Variants in EIF2B3 observed in about 807,000 individuals in gnomAD.
The protein encoded by EIF2B3 is eukaryotic translation initiation factor 2B subunit gamma, also known as translation initiation factor eIF2B subunit gamma.
EIF2B3 carries 20 observed loss-of-function variants against 54.1 expected under a neutral mutation model. The ratio of observed to expected loss-of-function variants is 0.37; its 90% CI spans 0.26 to 0.54. EIF2B3 has a LOEUF of 0.54. EIF2B3 is among the 20% of genes least tolerant of loss of function. EIF2B3 has a pLI of 0.86. For missense variants in EIF2B3, 448 were observed against 547.8 expected (o/e 0.82, Z 1.82); for synonymous variants, 153 against 188.1 (o/e 0.81, Z 1.52).
chr1:44,942,467 A>T, intron 3 of EIF2B3, among the ~76,000 whole-genome samples: 1 of 111,554 alleles, frequency 9.0e-6, no homozygotes, highest in Non-Finnish European at 1.7e-5. Context: ...TTACTCTGTC[A>T]CCTAGACTGG....
chr1:44,896,373 T>TG (rs142032167), intron 6 of EIF2B3, among the ~76,000 whole-genome samples: 62 of 152,074 alleles, frequency 4.1e-4, no homozygotes, highest in African/African-American at 1.1e-3. Flanking sequence ...GCAAGTGTTG[T>TG]GGGGGGGTGA....
At chr1:44,889,278 G>A (rs1655716488) in intron 6 of EIF2B3, among the ~76,000 whole-genome samples, 1 of 152,224 alleles carries the variant, frequency 6.6e-6, no homozygotes, top group South Asian at 2.1e-4. Flanking sequence ...GCTCACGCCT[G>A]TAATCCCAGC....
intron 8 of EIF2B3, among the ~76,000 whole-genome samples, chr1:44,877,092 A>T (rs1290198559): frequency 6.7e-6 from 1 of 149,008 alleles, no homozygotes; most frequent in Non-Finnish European, 1.5e-5. Flanking sequence ...TAGGAAAACC[A>T]GAGACCTTTG....
At chr1:44,933,662 GA>G (rs1172125959) in intron 4 of EIF2B3, among the ~76,000 whole-genome samples, 2 of 152,070 alleles carry the variant, frequency 1.3e-5, no homozygotes, top group Non-Finnish European at 2.9e-5. Flanking sequence ...ATTCAAAAAA[GA>G]AATAGCACAG....
At chr1:44,892,422 A>G (rs1262712961) in intron 6 of EIF2B3, among the ~76,000 whole-genome samples, 1 of 151,990 alleles carries the variant, frequency 6.6e-6, no homozygotes, top group Non-Finnish European at 1.5e-5. Flanking sequence ...TCTACAAAAA[A>G]TAAGAAAATT....
intron 6 of EIF2B3, among the ~76,000 whole-genome samples, chr1:44,887,515 G>A (rs975557457): frequency 3.1e-4 from 47 of 152,306 alleles, no homozygotes; most frequent in South Asian, 1.9e-3. Context: ...CAGAAATGGC[G>A]AAATCTTACT....
chr1:44,864,714 G>A (rs1654714871), intron 10 of EIF2B3, among the ~76,000 whole-genome samples: 1 of 152,082 alleles, frequency 6.6e-6, no homozygotes, highest in African/African-American at 2.4e-5. Flanking sequence ...GTTTTCCAGA[G>A]GGTTCATGGG....
chr1:44,892,472 C>T (rs181413534), intron 6 of EIF2B3, among the ~76,000 whole-genome samples: 145 of 151,750 alleles, frequency 9.6e-4, no homozygotes, highest in Middle Eastern at 3.4e-3. Context: ...CCCAGTTACT[C>T]GGGAGGCTGA....
chr1:44,908,420 A>C (rs1441727943), intron 5 of EIF2B3, among the ~76,000 whole-genome samples: 1 of 152,258 alleles, frequency 6.6e-6, no homozygotes, highest in African/African-American at 2.4e-5. Context: ...ATTTGAGCTG[A>C]GTCTTGAAAG....
intron 10 of EIF2B3, among the ~76,000 whole-genome samples, chr1:44,859,429 G>A (rs1024937846): frequency 6.6e-6 from 1 of 152,172 alleles, no homozygotes; most frequent in African/African-American, 2.4e-5. Flanking sequence ...GGCCAAGGCA[G>A]GTGGATCACC....
intron 3 of EIF2B3, among the ~76,000 whole-genome samples, chr1:44,947,693 C>G (rs547067091): frequency 6.6e-6 from 1 of 152,284 alleles, no homozygotes; most frequent in South Asian, 2.1e-4. Flanking sequence ...TGCTTCTCTA[C>G]TCACCCAGTG....
chr1:44,934,198 C>T (rs1643922328), intron 4 of EIF2B3, among the ~76,000 whole-genome samples: 1 of 151,826 alleles, frequency 6.6e-6, no homozygotes, highest in Non-Finnish European at 1.5e-5. Flanking sequence ...GAGTTCAAGA[C>T]CAGCCTGGCC....
At chr1:44,937,800 C>A (rs1313365644) in intron 4 of EIF2B3, among the ~76,000 whole-genome samples, 1 of 143,688 alleles carries the variant, frequency 7.0e-6, no homozygotes, top group Non-Finnish European at 1.5e-5. Flanking sequence ...AGGAGAATGC[C>A]GTGAACCCGG....
rs1362979993 is a variant in EIF2B3, at chr1:44,941,623, C to T, written c.337G>A (p.Ala113Thr). The T allele has an allele frequency of 6.2e-7, 1 of 1,614,090 alleles. No homozygotes were observed. The highest frequency in any genetic ancestry group is 1.7e-5 in the Admixed American group (1 of 59,996). The change falls in exon 4 of 12, where the codon GCC becomes ACC. Residue 113 changes from alanine to threonine, a missense_variant. By Grantham distance (58) the Ala-to-Thr change is moderately conservative (BLOSUM62 0). Around this residue, in one of 3 missense-constraint regions of EIF2B3, gnomAD observed 350 missense variants for 414.2 expected, o/e 0.85. Transcript: ENST00000360403. Reference sequence around the variant, plus strand: ...AACAGGTCCACAACCTCATGTAAGGCAACGTCTGTTATCAGATCACAGCTC... The same window carrying T: ...AACAGGTCCACAACCTCATGTAAGGTAACGTCTGTTATCAGATCACAGCTC... ...VLSCDLITDV[A>T]LHEVVDLFRA...
At chr1:44,934,537 G>T (rs1643926337) in intron 4 of EIF2B3, among the ~76,000 whole-genome samples, 1 of 150,158 alleles carries the variant, frequency 6.7e-6, no homozygotes, top group Admixed American at 6.6e-5. Context: ...AAGGAATTTT[G>T]TTCTTGTTGC....
chr1:44,951,541 C>A (rs1644160671), intron 3 of EIF2B3, among the ~76,000 whole-genome samples: 2 of 152,170 alleles, frequency 1.3e-5, no homozygotes, highest in Admixed American at 1.3e-4. Flanking sequence ...ATCCCTTGTA[C>A]TCACCAGGTA....
At chr1:44,950,398 C>T (rs1243169935) in intron 3 of EIF2B3, among the ~76,000 whole-genome samples, 1 of 151,910 alleles carries the variant, frequency 6.6e-6, no homozygotes, top group Non-Finnish European at 1.5e-5. Flanking sequence ...CTCCAGCACC[C>T]GTGACAGAGT....
chr1:44,896,326 A>AAAAGT (rs1398295899), intron 6 of EIF2B3, among the ~76,000 whole-genome samples: 1 of 152,202 alleles, frequency 6.6e-6, no homozygotes, highest in Non-Finnish European at 1.5e-5. Context: ...GATTTGTTTT[A>AAAAGT]CCATTGGCTC....
chr1:44,903,398 T>A (rs1270324894), intron 5 of EIF2B3, among the ~76,000 whole-genome samples: 1 of 152,192 alleles, frequency 6.6e-6, no homozygotes, highest in East Asian at 1.9e-4. Context: ...CTCAGGGCAA[T>A]GCCAAATGTT....
Sources: allele counts gnomAD v4.1 joint callset (sites outside exome capture counted in the v4.1 genomes callset), GRCh38; gene constraint gnomAD v4.1.1; regional missense constraint gnomAD v4.1.1; transcripts MANE v1.5; gene names NCBI Gene and HGNC (gene_info 2026-07-23, HGNC 2026-07-21).